The following TENM1 variants were observed in gnomAD, a reference collection of about 807,000 sequenced individuals.
TENM1 encodes teneurin-1.
A neutral mutation model predicts 174.8 loss-of-function variants in TENM1; 35 were observed. That is an observed-to-expected ratio of 0.20 (90% confidence interval 0.15 to 0.27). The LOEUF is 0.27. TENM1 is among the 10% of genes least tolerant of loss of function. TENM1 has a pLI of 1.00. For synonymous variants in TENM1, 781 were observed against 798.7 expected (o/e 0.98, Z 0.37); for missense variants, 1,633 against 2,130.1 (o/e 0.77, Z 4.59).
At chrX:124,805,467 C>T (rs1278702350) in intron 3 of TENM1, among the ~76,000 whole-genome samples, 1 of 112,481 alleles carries the variant, frequency 8.9e-6, no homozygotes, top group East Asian at 2.8e-4. Flanking sequence ...TTTTCAGAGG[C>T]TGATAAGATT....
intron 14 of TENM1, among the ~76,000 whole-genome samples, chrX:124,559,106 T>C (rs1025414354): frequency 2.1e-4 from 23 of 112,046 alleles, no homozygotes; most frequent in African/African-American, 7.4e-4. Flanking sequence ...TATTCAATTA[T>C]TTTTATTACT....
At chrX:124,923,223 T>C (rs2058047799) in intron 1 of TENM1, among the ~76,000 whole-genome samples, 1 of 111,787 alleles carries the variant, frequency 8.9e-6, no homozygotes, top group Admixed American at 9.5e-5. Context: ...TGAATCCCTC[T>C]AGGTTCTATT....
At chrX:125,080,496 T>C in the TENM1 span, among the ~76,000 whole-genome samples, 1 of 111,378 alleles carries the variant, frequency 9.0e-6, no homozygotes, top group Non-Finnish European at 1.9e-5. Context: ...ATACAAGACA[T>C]ATTGTTAGGT....
chrX:124,400,872 C>G (rs935800532), intron 27 of TENM1, among the ~76,000 whole-genome samples: 2 of 112,229 alleles, frequency 1.8e-5, no homozygotes, highest in African/African-American at 6.5e-5. Flanking sequence ...ATTGATGCAG[C>G]AGATAAGCAG....
the TENM1 span, among the ~76,000 whole-genome samples, chrX:125,189,941 T>G: frequency 2.7e-5 from 3 of 112,127 alleles, no homozygotes; most frequent in East Asian, 8.4e-4. Flanking sequence ...TTAATGCTAT[T>G]TCTATTTTCA....
At chrX:124,865,768 C>T (rs746789761) in intron 3 of TENM1, among the ~76,000 whole-genome samples, 2 of 111,211 alleles carry the variant, frequency 1.8e-5, no homozygotes, top group East Asian at 5.6e-4. Context: ...AATAAAAACA[C>T]CTCACCTGTA....
chrX:124,622,816 T>C (rs1341911509), intron 11 of TENM1, among the ~76,000 whole-genome samples: 2 of 111,902 alleles, frequency 1.8e-5, no homozygotes, highest in African/African-American at 6.5e-5. Flanking sequence ...TACTCTACAG[T>C]GCACATACCA....
chrX:124,913,842 T>G (rs1295308768), intron 1 of TENM1, among the ~76,000 whole-genome samples: 1 of 112,000 alleles, frequency 8.9e-6, no homozygotes, highest in Non-Finnish European at 1.9e-5. Context: ...TATTTTTTGA[T>G]CTCCACAAAA....
intron 3 of TENM1, among the ~76,000 whole-genome samples, chrX:124,753,866 T>G (rs1603132357): frequency 8.9e-6 from 1 of 111,786 alleles, no homozygotes; most frequent in East Asian, 2.8e-4. Flanking sequence ...ATAAGCTTTT[T>G]GATGTGCTGC....
In TENM1 at chrX:124,911,617, G is replaced by A. The variant is rs919399351; in HGVS notation, c.218-15376C>T. On this transcript the variant is annotated intron_variant, in intron 1 of 31. Coordinates refer to ENST00000422452, the Ensembl canonical transcript of TENM1. ...AGCACAGAGAAGTGTGTGTTCAAGGGCAAAGACAAGTGTAAGGGAATAATG... is the reference window on the plus strand; with the variant it reads ...AGCACAGAGAAGTGTGTGTTCAAGGACAAAGACAAGTGTAAGGGAATAATG... Among the ~76,000 whole-genome samples the A allele has an allele frequency of 4.5e-5, 5 of 111,730 alleles. No individual in the cohort carries two copies. In the Admixed American group the frequency reaches 4.8e-4, roughly 11 times the overall value.
the TENM1 span, among the ~76,000 whole-genome samples, chrX:125,133,639 A>C: frequency 3.7e-4 from 41 of 111,720 alleles, no homozygotes; most frequent in Non-Finnish European, 7.5e-4. Context: ...CTAAAAGAGC[A>C]GTAGTATCTA....
At chrX:124,619,798 A>G (rs1211504206) in intron 11 of TENM1, among the ~76,000 whole-genome samples, 3 of 112,147 alleles carry the variant, frequency 2.7e-5, no homozygotes, top group Admixed American at 9.5e-5. Context: ...TATTTAAAAA[A>G]CTATCAATAT....
At chrX:124,832,295 ATTG>A (rs1251708173) in intron 3 of TENM1, among the ~76,000 whole-genome samples, 18 of 112,302 alleles carry the variant, frequency 1.6e-4, no homozygotes, top group Non-Finnish European at 2.1e-4. Flanking sequence ...ATAAATAAAT[ATTG>A]TTAAGGGAAT....
chrX:124,396,866 G>T (rs745739573), intron 27 of TENM1, among the ~76,000 whole-genome samples: 1 of 111,961 alleles, frequency 8.9e-6, no homozygotes, highest in Non-Finnish European at 1.9e-5. Context: ...TGAAATTTGG[G>T]AATAGCTCCA....
At chrX:124,732,322 G>A (rs944426551) in intron 4 of TENM1, among the ~76,000 whole-genome samples, 2 of 111,741 alleles carry the variant, frequency 1.8e-5, no homozygotes, top group South Asian at 3.8e-4. Context: ...CAGCATTAAC[G>A]AAAATACATA....
At chrX:124,565,518 C>T in exon 12 of TENM1, 1 of 1,209,616 alleles carries the variant, frequency 8.3e-7, no homozygotes, top group Non-Finnish European at 1.1e-6. Flanking sequence ...GCAAATTCCT[C>T]TTGAGCAGAC....
At chrX:124,796,119 A>C (rs189706614) in intron 3 of TENM1, among the ~76,000 whole-genome samples, 1 of 111,621 alleles carries the variant, frequency 9.0e-6, no homozygotes, top group Non-Finnish European at 1.9e-5. Flanking sequence ...TTTTCTTTTT[A>C]CAAGAAATAA....
At chrX:124,786,563 G>C (rs1321128674) in intron 3 of TENM1, among the ~76,000 whole-genome samples, 6 of 111,602 alleles carry the variant, frequency 5.4e-5, no homozygotes, top group Non-Finnish European at 9.4e-5. Context: ...ATTCTTAAAT[G>C]AACACTATCC....
chrX:124,985,277 C>T, the TENM1 span, among the ~76,000 whole-genome samples: 4 of 112,312 alleles, frequency 3.6e-5, no homozygotes, highest in Admixed American at 9.5e-5. Flanking sequence ...TAAATTCTTA[C>T]TCCTTGGAAG....
Sources: allele counts gnomAD v4.1 joint callset (sites outside exome capture counted in the v4.1 genomes callset), GRCh38; gene constraint gnomAD v4.1.1; transcripts MANE v1.5; gene names NCBI Gene and HGNC (gene_info 2026-07-23, HGNC 2026-07-21).